Variants in GRM1 observed in about 807,000 individuals in gnomAD.
GRM1 encodes metabotropic glutamate receptor 1.
A neutral mutation model predicts 90.9 loss-of-function variants in GRM1; 33 were observed. That is an observed-to-expected ratio of 0.36 (90% CI 0.28 to 0.49). GRM1 has a LOEUF of 0.49. Ranked by LOEUF, GRM1 falls within the 20% of genes least tolerant of loss-of-function variation. The pLI, the probability that GRM1 is intolerant of heterozygous loss-of-function variation, is 0.99. For synonymous variants in GRM1, 700 were observed against 613.2 expected (o/e 1.14, Z -2.09); for missense variants, 1,190 against 1,534.3 (o/e 0.78, Z 3.75).
intron 1 of GRM1, among the ~76,000 whole-genome samples, chr6:146,063,166 C>T (rs1284924810): frequency 2.0e-5 from 3 of 152,172 alleles, no homozygotes; most frequent in South Asian, 2.1e-4. Flanking sequence ...CTGATTTCAG[C>T]GCACCCAGCA....
At chr6:146,067,572 C>A (rs1475949856) in intron 1 of GRM1, among the ~76,000 whole-genome samples, 1 of 152,048 alleles carries the variant, frequency 6.6e-6, no homozygotes, top group Non-Finnish European at 1.5e-5. Flanking sequence ...AATAACCAAA[C>A]ATGATCCTTA....
At chr6:146,343,109 G>A (rs1436343225) in intron 3 of GRM1, among the ~76,000 whole-genome samples, 1 of 151,990 alleles carries the variant, frequency 6.6e-6, no homozygotes, top group Non-Finnish European at 1.5e-5. Flanking sequence ...AGTTTGTAGA[G>A]GTACTGGTCA....
At position 146,434,523 on chromosome 6, in the gene GRM1, G is replaced by A. The variant is rs752013754; in HGVS notation, c.3312G>A (p.Lys1104=). The A allele has an allele frequency of 6.8e-6, 11 of 1,613,978 alleles. 1 individual carries two copies. The South Asian group carries it at 1.1e-4, about 16-fold the overall frequency. The change falls in exon 8 of 8, where the codon AAG becomes AAA. Residue 1104 remains lysine (K), a synonymous_variant. Transcript: ENST00000282753. ...ADDDDDSERF[K]LLQEYVYEHE... is the part of the protein sequence containing the mutation. Reference sequence around the variant, plus strand: ...ACGACGACGACAGCGAGAGGTTTAAGCTCCTCCAGGAGTACGTGTATGAGC... The same window carrying A: ...ACGACGACGACAGCGAGAGGTTTAAACTCCTCCAGGAGTACGTGTATGAGC...
chr6:146,217,684 T>C lies in GRM1; in HGVS notation c.950+58087T>C, dbSNP rs143329460. On this transcript the variant is annotated intron_variant, in intron 2 of 7. Transcript: ENST00000282753. ...TTACTAAGACATGGCCTTTCTTTTGTGTGTTTTCAGCAAGAATATGCATGC... is the reference window on the plus strand; with the variant it reads ...TTACTAAGACATGGCCTTTCTTTTGCGTGTTTTCAGCAAGAATATGCATGC... Among the ~76,000 whole-genome samples, 1,174 of 152,276 alleles carry C rather than the reference T, an allele frequency of 7.7e-3. 16 individuals are homozygous for C. Among genetic ancestry groups the C allele is most frequent in the African/African-American group, 0.027 (1,125 of 41,552 alleles).
intron 1 of GRM1, among the ~76,000 whole-genome samples, chr6:146,061,912 T>G (rs1322051690): frequency 6.6e-6 from 1 of 152,134 alleles, no homozygotes; most frequent in Non-Finnish European, 1.5e-5. Context: ...GTAAATTAGT[T>G]CAATCATTGT....
chr6:146,290,000 AAG>A (rs1250251079), intron 2 of GRM1, among the ~76,000 whole-genome samples: 1 of 152,220 alleles, frequency 6.6e-6, no homozygotes, highest in Non-Finnish European at 1.5e-5. Flanking sequence ...AAGGAAATGA[AAG>A]AGATGTTAGG....
intron 2 of GRM1, among the ~76,000 whole-genome samples, chr6:146,291,086 C>T (rs1049292183): frequency 2.0e-5 from 3 of 152,042 alleles, no homozygotes; most frequent in East Asian, 1.9e-4. Flanking sequence ...GCTAATCAAA[C>T]GAATTTAAAA....
chr6:146,243,382 A>G (rs1780935716), intron 2 of GRM1, among the ~76,000 whole-genome samples: 1 of 152,114 alleles, frequency 6.6e-6, no homozygotes. Flanking sequence ...TGGAAACCAG[A>G]GGAGTAACAG....
intron 1 of GRM1, among the ~76,000 whole-genome samples, chr6:146,035,923 C>T (rs555281004): frequency 3.2e-4 from 48 of 151,948 alleles, no homozygotes; most frequent in Middle Eastern, 3.4e-3. Flanking sequence ...TTTGAGTAAA[C>T]TTGAACTCTT....
At chr6:146,343,550 T>A (rs1785056420) in intron 3 of GRM1, among the ~76,000 whole-genome samples, 1 of 152,148 alleles carries the variant, frequency 6.6e-6, no homozygotes, top group East Asian at 1.9e-4. Context: ...TCATCCTTTT[T>A]ATTTTGTTAC....
rs150520977 is a variant in GRM1 at position 146,159,568 on chromosome 6, C to T, written c.921C>T (p.Gly307=). 17 of 1,611,494 alleles carry T rather than the reference C, an allele frequency of 1.1e-5. No homozygotes were observed. The South Asian group carries it at 1.2e-4, about 11-fold the overall frequency. ...RGLLSAMRRL[G]VVGEFSLIGS... ...TCCTGAGCGCCATGCGGCGCCTTGG[C>T]GTCGTGGGCGAGTTCTCACTCATTG... The change falls in exon 2 of 8, where the codon GGC becomes GGT. Residue 307 remains glycine (G), a synonymous_variant. Transcript: ENST00000282753.
In GRM1 at chr6:146,172,744, G is replaced by T. The variant is rs149216850; in HGVS notation, c.950+13147G>T. Among the ~76,000 whole-genome samples, 29 of 152,302 alleles carry T rather than the reference G, an allele frequency of 1.9e-4. No homozygotes were observed. In the East Asian group the frequency reaches 5.6e-3, roughly 29 times the overall value. ...CACAAGGCAGCATATGAGTCTTAGA[G>T]GGTAGGTTAGTGGTCTGAAATTAAA... is the stretch of plus-strand genomic sequence containing the variant. On this transcript the variant is annotated intron_variant, in intron 2 of 7. Coordinates refer to ENST00000282753, the MANE Select transcript of GRM1 (RefSeq NM_001278064.2).
At chr6:146,306,984 T>A (rs938346739) in intron 3 of GRM1, among the ~76,000 whole-genome samples, 2 of 152,340 alleles carry the variant, frequency 1.3e-5, no homozygotes, top group Admixed American at 1.3e-4. Flanking sequence ...TTTGTCATTG[T>A]GTTTTATTAG....
chr6:146,189,842 A>G (rs549542640), intron 2 of GRM1, among the ~76,000 whole-genome samples: 1 of 152,342 alleles, frequency 6.6e-6, no homozygotes, highest in South Asian at 2.1e-4. Context: ...TCTGCTAATA[A>G]CACATATAAT....
intron 1 of GRM1, among the ~76,000 whole-genome samples, chr6:146,114,654 TTTTCAAA>T (rs1775676613): frequency 6.6e-6 from 1 of 152,174 alleles, no homozygotes; most frequent in Non-Finnish European, 1.5e-5. Flanking sequence ...AGCAGGCTGA[TTTTCAAA>T]TTGTATTATT....
chr6:146,035,388 C>T (rs556484822), intron 1 of GRM1, among the ~76,000 whole-genome samples: 20 of 151,900 alleles, frequency 1.3e-4, no homozygotes, highest in South Asian at 1.0e-3. Context: ...GGTGAGTGGA[C>T]GAAAGAAAAG....
intron 1 of GRM1, among the ~76,000 whole-genome samples, chr6:146,052,043 A>C (rs1352028560): frequency 6.6e-6 from 1 of 152,038 alleles, no homozygotes; most frequent in Non-Finnish European, 1.5e-5. Flanking sequence ...TTTATATAGC[A>C]CTTATTACAA....
chr6:146,174,752 G>C (rs184672002), intron 2 of GRM1, among the ~76,000 whole-genome samples: 5 of 152,346 alleles, frequency 3.3e-5, no homozygotes, highest in Non-Finnish European at 7.3e-5. Flanking sequence ...AGTCTTGGCT[G>C]AGGCTGACTT....
At chr6:146,421,586 A>G (rs1162924914) in intron 7 of GRM1, among the ~76,000 whole-genome samples, 1 of 152,156 alleles carries the variant, frequency 6.6e-6, no homozygotes, top group Non-Finnish European at 1.5e-5. Context: ...CATATCCTTA[A>G]TATTTTCAAA....
Sources: gnomAD v4.1 joint callset for allele counts (sites outside exome capture counted in the v4.1 genomes callset) on GRCh38, gnomAD v4.1.1 for gene constraint, MANE v1.5 for transcripts, NCBI Gene and HGNC (gene_info 2026-07-23, HGNC 2026-07-21) for gene names.